Variants in HSPA14 observed in about 807,000 individuals in gnomAD.
HSPA14 encodes the protein heat shock protein family A (Hsp70) member 14, also known as heat shock 70 kDa protein 14.
HSPA14 carries 37 observed loss-of-function variants against 65.5 expected under a neutral mutation model. The observed-to-expected ratio is 0.56, with a 90% CI of 0.43 to 0.74. The LOEUF (loss-of-function observed/expected upper bound fraction) is 0.74. HSPA14 is among the 30% of genes least tolerant of loss of function. HSPA14 has a pLI of 0.00. For synonymous variants in HSPA14, 203 were observed against 214.2 expected, an observed-to-expected ratio of 0.95 and a Z score of 0.46; for missense variants, 564 against 607.6, an observed-to-expected ratio of 0.93 and a Z score of 0.75.
intron 7 of HSPA14, among the ~76,000 whole-genome samples, chr10:14,851,964 C>T (rs915633262): frequency 6.6e-6 from 1 of 152,094 alleles, no homozygotes. Context: ...CATGGGGAAT[C>T]GGGAATTAGC....
intron 8 of HSPA14, 72 bp downstream of exon 8, chr10:14,852,603 ATTTAT>A: frequency 1.6e-6 from 2 of 1,264,664 alleles, no homozygotes; most frequent in Non-Finnish European, 2.2e-6. Context: ...TTTTTTCCTA[ATTTAT>A]TTTAAGTTAT....
At position 14,848,076 on chromosome 10, in the gene HSPA14, C is replaced by T. The variant is rs141701732; in HGVS notation, c.222-533C>T. Among the ~76,000 whole-genome samples the T allele has an allele frequency of 4.9e-3, 750 of 152,364 alleles. 2 individuals carry two copies. Among genetic ancestry groups the T allele is most frequent in the Non-Finnish European group, 7.1e-3 (480 of 68,028 alleles). Reference sequence around the variant, plus strand: ...AATGTACGTGAAAACATTTTGTAGTCTGCATAAGTTGCTTATATCTGTATA... The same window carrying T: ...AATGTACGTGAAAACATTTTGTAGTTTGCATAAGTTGCTTATATCTGTATA... On this transcript the variant is annotated intron_variant, in intron 3 of 13. Transcript: ENST00000378372.
rs932466937 is a variant in HSPA14 at position 14,839,629 on chromosome 10, C to T, written c.58-276C>T. Among the ~76,000 whole-genome samples the T allele has an allele frequency of 2.0e-5, 3 of 151,144 alleles. No homozygotes were observed. The South Asian group carries it at 6.3e-4, about 32-fold the overall frequency. On this transcript the variant is annotated intron_variant, in intron 1 of 13. Coordinates refer to ENST00000378372, the MANE Select transcript of HSPA14 (RefSeq NM_016299.4). ...GAAGGAAGAGAGGTAGGAAAGGTAACGTAATAATAGCCTTCGTTTTGTGTG... is the reference window on the plus strand; with the variant it reads ...GAAGGAAGAGAGGTAGGAAAGGTAATGTAATAATAGCCTTCGTTTTGTGTG...
chr10:14,867,037 G>A (rs766510151), intron 10 of HSPA14, 46 bp from the exon 11 acceptor site: 1 of 1,369,570 alleles, frequency 7.3e-7, no homozygotes, highest in Non-Finnish European at 1.0e-6. Context: ...TTGAGACACA[G>A]CATTCTTCTA....
Position 14,848,634 on chromosome 10 carries a change from T to G in HSPA14, c.247T>G (p.Tyr83Asp). 2 of 1,611,642 alleles carry G rather than the reference T, an allele frequency of 1.2e-6. No homozygotes were observed. Among genetic ancestry groups the G allele is most frequent in the Non-Finnish European group, 1.7e-6 (2 of 1,178,374 alleles). ...CTCCAGTGATCCACAAGCTCAGAAA[T>G]ACATCGCGGAAAGTAAATGTTTAGT... ...RSSSDPQAQK[Y>D]IAESKCLVIE... The change falls in exon 4 of 14, where the codon TAC (tyrosine) becomes GAC (aspartate). Residue 83 changes from tyrosine (Y) to aspartate (D), a missense_variant. Tyr to Asp is a radical substitution (Grantham distance 160). Transcript: ENST00000378372.
At chr10:14,870,930 G>A (rs540141310) in intron 13 of HSPA14, among the ~76,000 whole-genome samples, 89 of 152,232 alleles carry the variant, frequency 5.8e-4, no homozygotes, top group African/African-American at 1.8e-3. Flanking sequence ...GTGCTCATTT[G>A]AGATGTAATT....
Position 14,840,059 on chromosome 10 carries a change from T to TA in HSPA14, c.139-16_139-15insA, listed in dbSNP as rs1159461608. 2.0e-4 allele frequency: 241 copies of TA among 1,178,710 alleles called. No individual in the cohort carries two copies. The African/African-American group carries it at 4.2e-3, about 20-fold the overall frequency. The allele number at this position is 1,178,710 out of a possible 1,614,324, so 73.0% of individuals were successfully genotyped here. On this transcript the variant is annotated splice_polypyrimidine_tract_variant and intron_variant, in intron 2 of 13. Transcript: ENST00000378372. ...ACATTGTAATATATATATATATATATTATTTTTTTTTTCAGATTGTTGGAT... is the reference window on the plus strand; with the variant it reads ...ACATTGTAATATATATATATATATATATATTTTTTTTTTCAGATTGTTGGAT...
At chr10:14,853,192 C>T (rs1268051508) in intron 8 of HSPA14, among the ~76,000 whole-genome samples, 2 of 152,014 alleles carry the variant, frequency 1.3e-5, no homozygotes, top group South Asian at 4.1e-4. Flanking sequence ...TTGATAAAGA[C>T]CTATACTGCT....
At chr10:14,870,068 C>T (rs367983002) in intron 12 of HSPA14, among the ~76,000 whole-genome samples, 4 of 152,152 alleles carry the variant, frequency 2.6e-5, no homozygotes, top group Non-Finnish European at 4.4e-5. Context: ...TCTTGATATA[C>T]CATTCTTTAG....
At chr10:14,840,351 C>A (rs537673802) in intron 3 of HSPA14, among the ~76,000 whole-genome samples, 194 bp downstream of exon 3, 30 of 152,242 alleles carry the variant, frequency 2.0e-4, no homozygotes, top group African/African-American at 7.0e-4. Flanking sequence ...ATATGGGATT[C>A]ACTCAGATGT....
chr10:14,844,161 G>C, intron 3 of HSPA14: 1 of 1,286,108 alleles, frequency 7.8e-7, no homozygotes. Flanking sequence ...TGTCACAGAT[G>C]TGAAGCAGTT....
chr10:14,843,380 A>G, intron 3 of HSPA14: 1 of 1,550,792 alleles, frequency 6.4e-7, no homozygotes, highest in Non-Finnish European at 8.7e-7. Flanking sequence ...GGGTGCTCTC[A>G]AGGGACCCCC....
intron 10 of HSPA14, among the ~76,000 whole-genome samples, chr10:14,865,235 TGAGTA>T (rs981610904): frequency 6.6e-6 from 1 of 152,210 alleles, no homozygotes; most frequent in Non-Finnish European, 1.5e-5. Context: ...CTTTGTCAGA[TGAGTA>T]GATTGCAAAA....
intron 5 of HSPA14, 112 bp downstream of exon 5, chr10:14,849,007 G>T: frequency 1.6e-6 from 1 of 606,194 alleles, no homozygotes; most frequent in Non-Finnish European, 2.9e-6. Context: ...TGATTGCACA[G>T]ATAAGTAAGG....
chr10:14,843,802 C>T (rs765773029), intron 3 of HSPA14: 17 of 1,536,182 alleles, frequency 1.1e-5, no homozygotes, highest in African/African-American at 5.5e-5. Context: ...CGCAGTCAGA[C>T]GTTTGGCAAC....
intron 3 of HSPA14, chr10:14,843,497 C>G: frequency 6.4e-7 from 1 of 1,550,678 alleles, no homozygotes; most frequent in African/African-American, 1.4e-5. Flanking sequence ...TGCACCAGCA[C>G]CAACCGCAGC....
At chr10:14,846,561 AC>A in intron 3 of HSPA14, 1 of 984,926 alleles carries the variant, frequency 1.0e-6, no homozygotes, top group South Asian at 4.7e-5. Flanking sequence ...TATGTGGTAG[AC>A]CCAACCATTA....
At chr10:14,845,576 C>CTTGCCCTT in intron 3 of HSPA14, 1 of 962,604 alleles carries the variant, frequency 1.0e-6, no homozygotes, top group Non-Finnish European at 1.2e-6. Context: ...AGACAAATCA[C>CTTGCCCTT]TTGCCCTTTT....
intron 3 of HSPA14, chr10:14,846,944 T>A: frequency 3.0e-6 from 3 of 985,440 alleles, no homozygotes; most frequent in Non-Finnish European, 3.6e-6. Flanking sequence ...CTCACCACCT[T>A]TGTTTTTCTG....
Sources: gnomAD v4.1 joint callset for allele counts (sites outside exome capture counted in the v4.1 genomes callset) on GRCh38, gnomAD v4.1.1 for gene constraint, MANE v1.5 for transcripts, NCBI Gene and HGNC (gene_info 2026-07-23, HGNC 2026-07-21) for gene names.